EPHA7: variants seen among roughly 807,000 people sequenced by gnomAD.
EPHA7 encodes ephrin type-A receptor 7.
In EPHA7, 25 loss-of-function variants were observed where a neutral mutation model predicts 112.6. That is an observed-to-expected ratio of 0.22 (90% confidence interval 0.16 to 0.31). EPHA7 has a LOEUF of 0.31. Ranked by LOEUF, EPHA7 falls within the 10% of genes least tolerant of loss-of-function variation. EPHA7 has a pLI of 1.00. For synonymous variants in EPHA7, 437 were observed against 406.5 expected (o/e 1.07, Z -0.90); for missense variants, 962 against 1,212.6 (o/e 0.79, Z 3.07).
intron 9 of EPHA7, among the ~76,000 whole-genome samples, chr6:93,261,161 G>T (rs911494619): frequency 1.3e-5 from 2 of 151,512 alleles, no homozygotes; most frequent in African/African-American, 4.8e-5. Context: ...ATGGTAGGAG[G>T]AAACAAAATG....
intron 15 of EPHA7, 152 bp from the exon 16 acceptor site, chr6:93,245,605 T>A: frequency 1.4e-6 from 1 of 724,376 alleles, no homozygotes; most frequent in Non-Finnish European, 2.1e-6. Flanking sequence ...AATAAAAACC[T>A]AAAGCATCCA....
At chr6:93,381,771 C>T (rs1053353578) in intron 3 of EPHA7, among the ~76,000 whole-genome samples, 1 of 150,454 alleles carries the variant, frequency 6.6e-6, no homozygotes, top group Non-Finnish European at 1.5e-5. Context: ...CATCCCAATT[C>T]CTCTGCTCAG....
chr6:93,387,911 TTAGA>T (rs1582647149), intron 3 of EPHA7, among the ~76,000 whole-genome samples: 2 of 124,084 alleles, frequency 1.6e-5, no homozygotes, highest in South Asian at 2.7e-4. Flanking sequence ...CCAGACCATC[TTAGA>T]TAGATAGACA....
intron 5 of EPHA7, among the ~76,000 whole-genome samples, chr6:93,337,199 TCC>T (rs1402291497): frequency 6.6e-6 from 1 of 152,128 alleles, no homozygotes; most frequent in Non-Finnish European, 1.5e-5. Flanking sequence ...TGAAGAAAGA[TCC>T]ACAAGGATAA....
At chr6:93,350,588 A>T (rs2127936418) in intron 5 of EPHA7, among the ~76,000 whole-genome samples, 1 of 152,186 alleles carries the variant, frequency 6.6e-6, no homozygotes, top group South Asian at 2.1e-4. Context: ...AAAATTGATG[A>T]TGGGGATAAA....
chr6:93,262,611 T>G (rs1430381082), intron 9 of EPHA7, among the ~76,000 whole-genome samples: 2 of 151,398 alleles, frequency 1.3e-5, no homozygotes, highest in African/African-American at 4.8e-5. Context: ...CTTCAATTTG[T>G]AGTAAATTGT....
At chr6:93,269,840 T>C (rs1771123331) in intron 6 of EPHA7, among the ~76,000 whole-genome samples, 180 bp from the exon 7 acceptor site, 1 of 151,818 alleles carries the variant, frequency 6.6e-6, no homozygotes, top group Non-Finnish European at 1.5e-5. Context: ...GTGAAACACA[T>C]GCCTTTGTTA....
At chr6:93,281,412 A>T (rs922506394) in intron 5 of EPHA7, among the ~76,000 whole-genome samples, 17 of 152,204 alleles carry the variant, frequency 1.1e-4, no homozygotes, top group African/African-American at 4.1e-4. Flanking sequence ...TTAATTTTCC[A>T]TGAATTCATA....
chr6:93,291,767 CA>C (rs66483422), intron 5 of EPHA7, among the ~76,000 whole-genome samples: 12,470 of 71,386 alleles, frequency 0.17, 558 homozygotes, highest in Middle Eastern at 0.25. Flanking sequence ...GACTCCGTCT[CA>C]AAAAAAAAAA....
At chr6:93,346,841 A>T (rs1304239880) in intron 5 of EPHA7, among the ~76,000 whole-genome samples, 1 of 151,764 alleles carries the variant, frequency 6.6e-6, no homozygotes, top group Non-Finnish European at 1.5e-5. Flanking sequence ...ATTTTAGTAG[A>T]TGAATATTCA....
intron 5 of EPHA7, among the ~76,000 whole-genome samples, chr6:93,295,608 A>G (rs1169611269): frequency 6.6e-6 from 1 of 151,712 alleles, no homozygotes; most frequent in Non-Finnish European, 1.5e-5. Flanking sequence ...GATTTTCTTT[A>G]TAGACAGGGC....
chr6:93,355,373 T>A (rs164541), intron 5 of EPHA7, among the ~76,000 whole-genome samples: 4,559 of 152,258 alleles, frequency 0.03, 213 homozygotes, highest in African/African-American at 0.1. Context: ...GTTTTCATTA[T>A]GTAGATATAA....
chr6:93,288,388 C>T (rs185646131), intron 5 of EPHA7, among the ~76,000 whole-genome samples: 46 of 152,126 alleles, frequency 3.0e-4, no homozygotes, highest in Non-Finnish European at 5.9e-5. Flanking sequence ...TTCGTGGTTG[C>T]CTAGGTCTAG....
At chr6:93,387,976 T>TAGATAGAA (rs1777712695) in intron 3 of EPHA7, among the ~76,000 whole-genome samples, 2 of 149,954 alleles carry the variant, frequency 1.3e-5, no homozygotes, top group Admixed American at 6.6e-5. Context: ...GATAGATAGA[T>TAGATAGAA]AGAATAGATA....
chr6:93,258,250 T>C lies in EPHA7; in HGVS notation c.1959A>G (p.Lys653=). The change falls in exon 11 of 17, where the codon AAA becomes AAG. Residue 653 remains lysine (K), a synonymous_variant. Transcript: ENST00000369303. The part of the protein sequence containing the change: ...EFGEVCSGRL[K]LPGKRDVAVA... Reference sequence around the variant, plus strand: ...CTGCAACATCTCTTTTCCCTGGAAGTTTCAAACGGCCACTGCAGACTTCAC... The same window carrying C: ...CTGCAACATCTCTTTTCCCTGGAAGCTTCAAACGGCCACTGCAGACTTCAC... The C allele has an allele frequency of 6.2e-7, 1 of 1,610,946 alleles. No homozygotes were observed. Among genetic ancestry groups the C allele is most frequent in the Non-Finnish European group, 8.5e-7 (1 of 1,178,386 alleles).
chr6:93,249,383 T>C (rs530571735), intron 14 of EPHA7, among the ~76,000 whole-genome samples: 1 of 152,280 alleles, frequency 6.6e-6, no homozygotes, highest in East Asian at 1.9e-4. Context: ...TGTTAAAAAA[T>C]GTGAATAAAA....
chr6:93,245,780 T>C (rs1769917792), intron 15 of EPHA7, among the ~76,000 whole-genome samples: 4 of 152,192 alleles, frequency 2.6e-5, no homozygotes, highest in Admixed American at 2.6e-4. Flanking sequence ...ATGATGCACA[T>C]ATGGCTGTGT....
At chr6:93,407,123 A>G (rs1280651488) in intron 3 of EPHA7, among the ~76,000 whole-genome samples, 1 of 152,002 alleles carries the variant, frequency 6.6e-6, no homozygotes, top group Non-Finnish European at 1.5e-5. Context: ...AGTCATGAAG[A>G]AAAGCTTTTA....
At chr6:93,349,499 C>A (rs1775579217) in intron 5 of EPHA7, among the ~76,000 whole-genome samples, 1 of 151,840 alleles carries the variant, frequency 6.6e-6, no homozygotes, top group Non-Finnish European at 1.5e-5. Flanking sequence ...CTGCAGACGG[C>A]ATAGGTGTAC....
Sources: gnomAD v4.1 joint callset for allele counts (sites outside exome capture counted in the v4.1 genomes callset) on GRCh38, gnomAD v4.1.1 for gene constraint, MANE v1.5 for transcripts, NCBI Gene and HGNC (gene_info 2026-07-23, HGNC 2026-07-21) for gene names.